The following STARD5 variants were observed in gnomAD, a reference collection of about 807,000 sequenced individuals.
The protein encoded by STARD5 is StAR related lipid transfer domain containing 5, also known as stAR-related lipid transfer protein 5.
STARD5 carries 26 observed loss-of-function variants against 24.6 expected under a neutral mutation model. The ratio of observed to expected loss-of-function variants is 1.06; its 90% CI spans 0.77 to 1.47. The LOEUF (loss-of-function observed/expected upper bound fraction) is 1.47, where lower values mean the gene tolerates loss of function less well. Ranked by LOEUF, STARD5 falls within the 40% of genes most tolerant of loss-of-function variation. The pLI is 0.00. For missense variants in STARD5, 254 were observed against 270.8 expected (o/e 0.94, Z 0.44); for synonymous variants, 101 against 99.7 (o/e 1.01, Z -0.07).
At chr15:81,323,421 A>G in intron 1 of STARD5, 1 of 347,028 alleles carries the variant, frequency 2.9e-6, no homozygotes, top group Non-Finnish European at 5.4e-6. Flanking sequence ...AGGGTCAAGC[A>G]AAACTACTCC....
chr15:81,319,208 G>GAGGT, intron 4 of STARD5, 131 bp downstream of exon 4: 1 of 807,944 alleles, frequency 1.2e-6, no homozygotes, highest in South Asian at 1.6e-5. Flanking sequence ...CCAACCAGAT[G>GAGGT]AGGTAGGGGA....
intron 5 of STARD5, chr15:81,313,647 C>A (rs1218789523): frequency 1.3e-5 from 4 of 317,034 alleles, no homozygotes; most frequent in Admixed American, 1.0e-4. Context: ...GAAGTCCCTA[C>A]TCCCAGCCCA....
intron 5 of STARD5, 29 bp from the exon 6 acceptor site, chr15:81,313,432 T>C (rs1403655378): frequency 1.3e-6 from 2 of 1,486,928 alleles, no homozygotes; most frequent in Non-Finnish European, 1.8e-6. Flanking sequence ...AGCTGTGTTA[T>C]GATCTGCAGC....
At position 81,311,985 on chromosome 15, in the gene STARD5, A is replaced by T. The variant is rs1219132122; in HGVS notation, c.*1271T>A. 1 of 152,260 alleles carries T rather than the reference A, an allele frequency of 6.6e-6. No individual in the cohort carries two copies. Among genetic ancestry groups the T allele is most frequent in the Non-Finnish European group, 1.5e-5 (1 of 68,054 alleles). 9.4% of individuals were successfully genotyped at this position (152,260 alleles called of 1,614,324 possible). ...CAGGACTCAAAAATAGGGAAGTAAC[A>T]GTAACGCAGGGGAAACGTTTTCTGT... On this transcript the variant is annotated 3_prime_UTR_variant, in exon 6 of 6. Coordinates refer to ENST00000302824, the MANE Select transcript of STARD5 (RefSeq NM_181900.3).
chr15:81,319,257 C>T, intron 4 of STARD5, 82 bp downstream of exon 4: 1 of 1,272,902 alleles, frequency 7.9e-7, no homozygotes, highest in South Asian at 1.2e-5. Context: ...GGTTGCTTGG[C>T]TTTCCTTAAG....
At chr15:81,322,348 G>C (rs1893305298) in intron 3 of STARD5, 60 bp downstream of exon 3, 1 of 1,603,384 alleles carries the variant, frequency 6.2e-7, no homozygotes, top group African/African-American at 1.3e-5. Context: ...AGAAATGGGA[G>C]GGGGTTACTA....
intron 5 of STARD5, among the ~76,000 whole-genome samples, chr15:81,317,722 G>C (rs1901112192): frequency 6.6e-6 from 1 of 152,042 alleles, no homozygotes. Context: ...GGAACACCGG[G>C]ACACACCTGC....
chr15:81,316,134 C>T (rs1054508396), intron 5 of STARD5, among the ~76,000 whole-genome samples: 2 of 152,190 alleles, frequency 1.3e-5, no homozygotes, highest in Non-Finnish European at 2.9e-5. Context: ...ATCCCCCTGC[C>T]AGAATGCTCG....
Position 81,322,645 on chromosome 15 carries a change from C to T in STARD5, c.150-105G>A. 5.2e-6 allele frequency: 8 copies of T among 1,546,020 alleles called. No homozygotes were observed. In the South Asian group the frequency reaches 8.3e-5, roughly 16 times the overall value. ...GGACCATGCCATGTCTGTCACTACT[C>T]TTTAGGACAGACTTGCAGAGAAGGG... On this transcript the variant is annotated intron_variant, in intron 2 of 5. Coordinates refer to ENST00000302824, the MANE Select transcript of STARD5 (RefSeq NM_181900.3).
At position 81,311,509 on chromosome 15, in the gene STARD5, C is replaced by T. The variant is rs937497632; in HGVS notation, c.*1747G>A. 7 of 152,256 alleles carry T rather than the reference C, an allele frequency of 4.6e-5. No homozygotes were observed. The highest frequency in any genetic ancestry group is 3.3e-4 in the Admixed American group (5 of 15,292). 9.4% of individuals were successfully genotyped at this position (152,256 alleles called of 1,614,324 possible). ...TGACCAGTTTAACCTGATGCAGTCA[C>T]GTGGAGGAGCAGTGCAGGCACAGTA... is the stretch of plus-strand genomic sequence containing the variant. On this transcript the variant is annotated 3_prime_UTR_variant, in exon 6 of 6. Coordinates refer to ENST00000302824, the MANE Select transcript of STARD5 (RefSeq NM_181900.3).
At chr15:81,319,528 C>T in intron 3 of STARD5, 72 bp from the exon 4 acceptor site, 2 of 1,368,104 alleles carry the variant, frequency 1.5e-6, no homozygotes, top group Non-Finnish European at 2.1e-6. Flanking sequence ...CCCCATCCCT[C>T]AAGGTCTGGG....
chr15:81,320,807 G>T (rs933214322), intron 3 of STARD5, among the ~76,000 whole-genome samples: 1 of 152,058 alleles, frequency 6.6e-6, no homozygotes, highest in South Asian at 2.1e-4. Flanking sequence ...CATTCCTGAG[G>T]TACAGTGTCT....
At position 81,311,741 on chromosome 15, in the gene STARD5, C is replaced by G. The variant is rs981177813; in HGVS notation, c.*1515G>C. The G allele has an allele frequency of 6.6e-6, 1 of 152,202 alleles. No homozygotes were observed. The highest frequency in any genetic ancestry group is 2.1e-4 in the South Asian group (1 of 4,830). The allele number at this position is 152,202 out of a possible 1,614,324, so 9.4% of individuals were successfully genotyped here. The stretch of plus-strand genomic sequence containing the variant: ...ATATAGAACAGTGCTTGCCACAGAG[C>G]GGGGACTCGGTAAGCACTTAATGAA... On this transcript the variant is annotated 3_prime_UTR_variant, in exon 6 of 6. Coordinates refer to ENST00000302824, the MANE Select transcript of STARD5 (RefSeq NM_181900.3).
At chr15:81,323,167 A>C in intron 1 of STARD5, 1 of 574,154 alleles carries the variant, frequency 1.7e-6, no homozygotes, top group South Asian at 2.3e-5. Context: ...TGACTCCAAG[A>C]GCCGTGGGTG....
chr15:81,323,043 T>G, intron 1 of STARD5, 95 bp from the exon 2 acceptor site: 1 of 1,375,994 alleles, frequency 7.3e-7, no homozygotes, highest in Non-Finnish European at 1.0e-6. Flanking sequence ...GTAAGAGGCC[T>G]CAAGAGATAC....
chr15:81,309,088 T>C lies in STARD5; in HGVS notation c.*4168A>G, dbSNP rs1204849271. The C allele has an allele frequency of 3.0e-6, 1 of 329,352 alleles. No individual in the cohort carries two copies. The highest frequency in any genetic ancestry group is 5.5e-6 in the Non-Finnish European group (1 of 181,400). The allele number at this position is 329,352 out of a possible 1,614,324, so 20.4% of individuals were successfully genotyped here. ...ACAAATAAAATGGATTTATTAGAAT[T>C]TCATATGACATTCATGCCTGGCTTC... is the stretch of plus-strand genomic sequence containing the variant. On this transcript the variant is annotated 3_prime_UTR_variant, in exon 6 of 6. Transcript: ENST00000302824.
Position 81,319,422 on chromosome 15 carries a change from G to C in STARD5, c.317C>G (p.Ala106Gly). Residue 106 changes from alanine to glycine, a missense_variant, in exon 4 of 6, where the codon GCT (alanine) becomes GGT (glycine). Coordinates refer to ENST00000302824, the MANE Select transcript of STARD5 (RefSeq NM_181900.3). ...TCTGGGAGAAATGAGCTTCATGGCA[G>C]CGGAGGGAGTGGAGGTTCTGCTTAC... ...LCVSRTSTPS[A>G]AMKLISPRDF... The C allele has an allele frequency of 4.3e-6, 7 of 1,614,200 alleles. No homozygotes were observed. Among genetic ancestry groups the C allele is most frequent in the Non-Finnish European group, 5.9e-6 (7 of 1,180,032 alleles).
intron 5 of STARD5, among the ~76,000 whole-genome samples, chr15:81,316,151 CA>C (rs1360454191): frequency 6.6e-6 from 1 of 152,198 alleles, no homozygotes; most frequent in Non-Finnish European, 1.5e-5. Context: ...CTCGCTCCAC[CA>C]ACACGCCCAA....
At position 81,324,134 on chromosome 15, in the gene STARD5, G is replaced by C; in HGVS notation, c.-35C>G. 1 of 1,305,810 alleles carries C rather than the reference G, an allele frequency of 7.7e-7. No individual in the cohort carries two copies. Among genetic ancestry groups the C allele is most frequent in the Non-Finnish European group, 9.8e-7 (1 of 1,018,968 alleles). The allele number at this position is 1,305,810 out of a possible 1,614,324, so 80.9% of individuals were successfully genotyped here. On this transcript the variant is annotated 5_prime_UTR_variant, in exon 1 of 6. Coordinates refer to ENST00000302824, the MANE Select transcript of STARD5 (RefSeq NM_181900.3). ...AGCTGCGCTTAGCTGCGGGGTCGCGGGTGTTATGAGCGGCGGCGCTGGATC... is the reference window on the plus strand; with the variant it reads ...AGCTGCGCTTAGCTGCGGGGTCGCGCGTGTTATGAGCGGCGGCGCTGGATC...
Sources: gnomAD v4.1 joint callset for allele counts (sites outside exome capture counted in the v4.1 genomes callset) on GRCh38, gnomAD v4.1.1 for gene constraint, MANE v1.5 for transcripts, NCBI Gene and HGNC (gene_info 2026-07-23, HGNC 2026-07-21) for gene names.